The following PCDH11X variants were observed in gnomAD, a reference collection of about 807,000 sequenced individuals.
PCDH11X encodes the protein protocadherin-11 X-linked.
Under a neutral mutation model 53.3 loss-of-function variants are expected in PCDH11X, and 18 were observed. The observed-to-expected ratio is 0.34, with a 90% CI of 0.23 to 0.50. PCDH11X has a LOEUF of 0.50. PCDH11X is among the 20% of genes least tolerant of loss of function. The pLI, the probability that PCDH11X is intolerant of heterozygous loss-of-function variation, is 0.98. For missense variants in PCDH11X, 570 were observed against 1,032.4 expected, an observed-to-expected ratio of 0.55 and a Z score of 6.14; for synonymous variants, 279 against 393.3, an observed-to-expected ratio of 0.71 and a Z score of 3.44.
chrX:91,940,184 GCTTCAA>G (rs982759696), intron 6 of PCDH11X, among the ~76,000 whole-genome samples: 6 of 110,509 alleles, frequency 5.4e-5, no homozygotes, highest in African/African-American at 1.6e-4. Context: ...TCTTGCTCCT[GCTTCAA>G]CTTCCGCCAT....
chrX:92,474,050 C>T (rs3117516), intron 10 of PCDH11X, among the ~76,000 whole-genome samples: 6 of 110,856 alleles, frequency 5.4e-5, no homozygotes, highest in Non-Finnish European at 7.6e-5. Context: ...GAAAGTGTGG[C>T]GTTTAAGTCT....
rs34953838 is a variant in PCDH11X at position 91,884,190 on chromosome X, C to CAAA, written c.3033+4937_3033+4939dup. ...TGGGTGACAAAGCAAGACTCCGTCTCAAAAAAAAAAAAAAAAAAAAAAGAA... is the reference window on the plus strand; with the variant it reads ...TGGGTGACAAAGCAAGACTCCGTCTCAAAAAAAAAAAAAAAAAAAAAAAAAGAA... On this transcript the variant is annotated intron_variant, in intron 6 of 10. Coordinates refer to ENST00000682573, the MANE Select transcript of PCDH11X (RefSeq NM_032968.5). Among the ~76,000 whole-genome samples the CAAA allele has an allele frequency of 5.1e-3, 192 of 37,692 alleles. 3 individuals carry two copies. Among genetic ancestry groups the CAAA allele is most frequent in the African/African-American group, 0.02 (183 of 8,931 alleles). The allele number at this position is 37,692 out of a possible 115,157, so 32.7% of individuals were successfully genotyped here.
chrX:92,315,984 A>G (rs1162597366), intron 8 of PCDH11X, among the ~76,000 whole-genome samples: 1 of 74,200 alleles, frequency 1.3e-5, no homozygotes, highest in Non-Finnish European at 2.4e-5. Flanking sequence ...TTTTATTCAG[A>G]TGGACTTGGC....
chrX:91,849,802 A>T (rs1299513458), intron 5 of PCDH11X, among the ~76,000 whole-genome samples: 1 of 100,304 alleles, frequency 1.0e-5, no homozygotes, highest in African/African-American at 3.6e-5. Flanking sequence ...CTGAAAGTAC[A>T]TTTAGCATAA....
chrX:92,398,440 A>T (rs745494396), intron 9 of PCDH11X, among the ~76,000 whole-genome samples: 1 of 112,132 alleles, frequency 8.9e-6, no homozygotes, highest in Non-Finnish European at 1.9e-5. Flanking sequence ...AGAAAGAAAA[A>T]AAAAGTTGAC....
chrX:92,567,292 C>T (rs1602347231), intron 10 of PCDH11X, among the ~76,000 whole-genome samples: 1 of 89,396 alleles, frequency 1.1e-5, no homozygotes, highest in East Asian at 3.2e-4. Flanking sequence ...TTGTGTCCTC[C>T]CTGATTTCCT....
intron 6 of PCDH11X, among the ~76,000 whole-genome samples, chrX:92,169,860 C>T (rs1184263131): frequency 2.7e-5 from 3 of 110,733 alleles, no homozygotes; most frequent in Non-Finnish European, 5.7e-5. Flanking sequence ...CCTCCAAGGA[C>T]CTCACAGTCT....
chrX:92,275,277 A>G (rs139090333), intron 8 of PCDH11X, among the ~76,000 whole-genome samples: 5,263 of 103,129 alleles, frequency 0.051, 247 homozygotes, highest in East Asian at 0.23. Flanking sequence ...TAGGAAGGAA[A>G]GGGTTGTTCT....
intron 6 of PCDH11X, among the ~76,000 whole-genome samples, chrX:92,172,712 AT>A (rs2065843394): frequency 8.9e-6 from 1 of 111,867 alleles, no homozygotes; most frequent in Non-Finnish European, 1.9e-5. Context: ...AAAGAAGAAC[AT>A]TTATATGGGG....
intron 9 of PCDH11X, among the ~76,000 whole-genome samples, chrX:92,402,795 C>T (rs1326168182): frequency 9.0e-6 from 1 of 111,275 alleles, no homozygotes; most frequent in Non-Finnish European, 1.9e-5. Flanking sequence ...AATGAAAGAG[C>T]TTCTGCACAG....
chrX:91,941,450 A>G (rs1302334745), intron 6 of PCDH11X, among the ~76,000 whole-genome samples: 1 of 110,169 alleles, frequency 9.1e-6, no homozygotes, highest in Non-Finnish European at 1.9e-5. Context: ...AGTAAATAAT[A>G]CTAATAGAGA....
chrX:92,071,516 G>A (rs2063701853), intron 6 of PCDH11X, among the ~76,000 whole-genome samples: 1 of 111,368 alleles, frequency 9.0e-6, no homozygotes, highest in African/African-American at 3.3e-5. Context: ...ATTGATATTT[G>A]TAAGTGTTCA....
At chrX:92,222,898 A>G (rs140262069) in intron 7 of PCDH11X, among the ~76,000 whole-genome samples, 1,761 of 112,203 alleles carry the variant, frequency 0.016, 22 homozygotes, top group Non-Finnish European at 0.026. Context: ...CCCGTTGTTC[A>G]CTGAAAGAAG....
intron 10 of PCDH11X, among the ~76,000 whole-genome samples, chrX:92,519,657 C>G (rs771955764): frequency 1.8e-5 from 2 of 108,157 alleles, no homozygotes; most frequent in South Asian, 8.3e-4. Context: ...AAAGTGTACC[C>G]TTTATTATTA....
intron 8 of PCDH11X, among the ~76,000 whole-genome samples, chrX:92,319,145 A>C (rs2069143538): frequency 9.0e-6 from 1 of 111,718 alleles, no homozygotes; most frequent in East Asian, 2.8e-4. Context: ...AAGTAATTAG[A>C]TATCTTAGAT....
At chrX:92,390,031 T>G (rs987485411) in intron 9 of PCDH11X, among the ~76,000 whole-genome samples, 1 of 111,085 alleles carries the variant, frequency 9.0e-6, no homozygotes, top group African/African-American at 3.3e-5. Context: ...TGGGCAATGA[T>G]AATAGTAAAG....
intron 6 of PCDH11X, among the ~76,000 whole-genome samples, chrX:92,175,327 G>A (rs2065888293): frequency 1.8e-5 from 2 of 111,446 alleles, no homozygotes; most frequent in South Asian, 7.5e-4. Flanking sequence ...GGAAAAGAAA[G>A]GTAGATCTTG....
At chrX:92,049,935 G>A (rs1172317347) in intron 6 of PCDH11X, among the ~76,000 whole-genome samples, 2 of 110,990 alleles carry the variant, frequency 1.8e-5, no homozygotes, top group Non-Finnish European at 3.8e-5. Flanking sequence ...CACAATGCTG[G>A]GCTAATTTTT....
Position 92,436,007 on chromosome X carries a change from G to A in PCDH11X, c.3344-32292G>A, listed in dbSNP as rs1450472494. ...GCACTGAGTGACAAGCTCCTGCATA[G>A]CAAAAGAAACTGTCAACAGAGTAAA... On this transcript the variant is annotated intron_variant, in intron 9 of 10. Coordinates refer to ENST00000682573, the MANE Select transcript of PCDH11X (RefSeq NM_032968.5). 2.7e-5 allele frequency among the ~76,000 whole-genome samples: 3 copies of A among 110,137 alleles called. No individual in the cohort carries two copies. In the East Asian group the frequency reaches 8.6e-4, roughly 32 times the overall value.
Sources: allele counts gnomAD v4.1 joint callset (sites outside exome capture counted in the v4.1 genomes callset), GRCh38; gene constraint gnomAD v4.1.1; transcripts MANE v1.5; gene names NCBI Gene and HGNC (gene_info 2026-07-23, HGNC 2026-07-21).